LRRIQ3: variants seen among roughly 807,000 people sequenced by gnomAD.
LRRIQ3 encodes the protein leucine-rich repeat and IQ domain-containing protein 3.
In LRRIQ3, 75 loss-of-function variants were observed where a neutral mutation model predicts 59.3. The observed-to-expected ratio is 1.26, with a 90% CI of 1.05 to 1.53. The LOEUF (loss-of-function observed/expected upper bound fraction) is 1.53, where lower values mean the gene tolerates loss of function less well. Among genes scored for constraint, LRRIQ3 ranks in the 40% most tolerant of loss-of-function variants. The probability of loss-of-function intolerance (pLI) is 0.00; values close to 1 mark genes in which losing one functional copy is unlikely to be tolerated. For synonymous variants in LRRIQ3, 250 were observed against 231.3 expected, an observed-to-expected ratio of 1.08 and a Z score of -0.73; for missense variants, 831 against 710.0, an observed-to-expected ratio of 1.17 and a Z score of -1.94.
intron 5 of LRRIQ3, among the ~76,000 whole-genome samples, chr1:74,097,536 A>T (rs1455586964): frequency 6.6e-6 from 1 of 152,192 alleles, no homozygotes. Context: ...CAACATTCAA[A>T]TTCAGGAAAT....
chr1:74,191,695 C>G (rs1650777018), intron 1 of LRRIQ3, among the ~76,000 whole-genome samples: 1 of 152,008 alleles, frequency 6.6e-6, no homozygotes, highest in South Asian at 2.1e-4. Context: ...CTAAGTAACA[C>G]ATAGGTCAAT....
At chr1:74,090,326 G>GTTT (rs35791047) in intron 5 of LRRIQ3, among the ~76,000 whole-genome samples, 1 of 149,984 alleles carries the variant, frequency 6.7e-6, no homozygotes. Context: ...CTACAAAATA[G>GTTT]TTTTTTTTTT....
intron 1 of LRRIQ3, among the ~76,000 whole-genome samples, chr1:74,187,599 G>A (rs901367543): frequency 1.3e-5 from 2 of 151,896 alleles, no homozygotes; most frequent in Non-Finnish European, 2.9e-5. Flanking sequence ...AGGTTGGGAG[G>A]GTCACGAGGT....
intron 4 of LRRIQ3, among the ~76,000 whole-genome samples, chr1:74,124,720 G>A (rs772713873): frequency 2.3e-4 from 35 of 151,852 alleles, no homozygotes; most frequent in Middle Eastern, 3.4e-3. Context: ...TGTTCTATAT[G>A]TCTGTTTTTA....
At chr1:74,149,434 A>C (rs1647784026) in intron 4 of LRRIQ3, among the ~76,000 whole-genome samples, 1 of 152,234 alleles carries the variant, frequency 6.6e-6, no homozygotes, top group South Asian at 2.1e-4. Context: ...TTTTCATATC[A>C]CATAAAAAAT....
chr1:74,068,455 C>T (rs1654927798), intron 6 of LRRIQ3, among the ~76,000 whole-genome samples: 2 of 151,728 alleles, frequency 1.3e-5, no homozygotes, highest in Admixed American at 1.3e-4. Flanking sequence ...AGAGACTGAT[C>T]ACATAATTTT....
At position 74,198,134 on chromosome 1, in the gene LRRIQ3, AT is replaced by A. The variant is rs1238537239; in HGVS notation, c.-140del. 11 of 1,465,196 alleles carry A rather than the reference AT, an allele frequency of 7.5e-6. No individual in the cohort carries two copies. The highest frequency in any genetic ancestry group is 9.9e-6 in the Non-Finnish European group (11 of 1,106,752). The allele number at this position is 1,465,196 out of a possible 1,614,324, so 90.8% of individuals were successfully genotyped here. On this transcript the variant is annotated 5_prime_UTR_variant, in exon 1 of 8. An upstream start codon of the reference 5' UTR is lost. Transcript: ENST00000354431. Reference sequence around the variant, plus strand: ...AGACAACATCCAAGTTCTCCACATCATGGTTTTCCGGGCGCCAGCCAAGGCG... The same window carrying A: ...AGACAACATCCAAGTTCTCCACATCAGGTTTTCCGGGCGCCAGCCAAGGCG...
At chr1:74,036,358 C>G (rs1653872796) in intron 7 of LRRIQ3, among the ~76,000 whole-genome samples, 1 of 152,144 alleles carries the variant, frequency 6.6e-6, no homozygotes, top group African/African-American at 2.4e-5. Context: ...CCCCTCATCC[C>G]CAGTTTATTA....
chr1:74,134,677 A>T (rs1647090134), intron 4 of LRRIQ3, among the ~76,000 whole-genome samples: 2 of 151,968 alleles, frequency 1.3e-5, no homozygotes, highest in African/African-American at 4.8e-5. Flanking sequence ...AAATAAAGGT[A>T]CTATTAATTT....
In LRRIQ3 at chr1:74,041,194, A is replaced by G. The variant is rs778731064; in HGVS notation, c.1718+19T>C. 5 of 1,504,374 alleles carry G rather than the reference A, an allele frequency of 3.3e-6. No homozygotes were observed. Among genetic ancestry groups the G allele is most frequent in the African/African-American group, 1.4e-5 (1 of 70,936 alleles). 93.2% of individuals were successfully genotyped at this position (1,504,374 alleles called of 1,614,324 possible). ...TGTAATTGACTTTAATGCCTCTGTT[A>G]TATCTAAATTGTACCTACCTAACTT... On this transcript the variant is annotated intron_variant, in intron 7 of 7. Coordinates refer to ENST00000354431, the MANE Select transcript of LRRIQ3 (RefSeq NM_001105659.2).
At chr1:74,083,900 T>C (rs1449692154) in intron 5 of LRRIQ3, 3 of 307,704 alleles carry the variant, frequency 9.7e-6, no homozygotes, top group Non-Finnish European at 1.8e-5. Flanking sequence ...GCAATTTTTA[T>C]GATGGTATGT....
chr1:74,191,501 C>G (rs552892192), intron 1 of LRRIQ3, among the ~76,000 whole-genome samples: 3 of 151,992 alleles, frequency 2.0e-5, no homozygotes, highest in Admixed American at 1.3e-4. Context: ...TTTTCAAGCT[C>G]ACATGGAGCA....
At chr1:74,051,131 A>C (rs1654358442) in intron 6 of LRRIQ3, among the ~76,000 whole-genome samples, 1 of 152,166 alleles carries the variant, frequency 6.6e-6, no homozygotes, top group Admixed American at 6.6e-5. Flanking sequence ...CATTCTGTAA[A>C]GAAGTGCTAT....
intron 6 of LRRIQ3, among the ~76,000 whole-genome samples, chr1:74,061,358 T>C (rs1350204158): frequency 6.6e-6 from 1 of 152,174 alleles, no homozygotes; most frequent in Non-Finnish European, 1.5e-5. Flanking sequence ...ATTGTTAAAA[T>C]GGTCATATTG....
intron 3 of LRRIQ3, among the ~76,000 whole-genome samples, chr1:74,179,098 A>G (rs1204771740): frequency 6.6e-6 from 1 of 152,106 alleles, no homozygotes; most frequent in East Asian, 1.9e-4. Context: ...AAAACGCAAT[A>G]CTGGCTGATA....
intron 4 of LRRIQ3, among the ~76,000 whole-genome samples, chr1:74,114,875 CAT>C (rs1235175121): frequency 6.6e-6 from 1 of 151,652 alleles, no homozygotes; most frequent in Non-Finnish European, 1.5e-5. Flanking sequence ...AGATATAAGA[CAT>C]ATCTGTGAAT....
intron 7 of LRRIQ3, among the ~76,000 whole-genome samples, chr1:74,038,592 G>T (rs1429547356): frequency 1.3e-5 from 2 of 152,128 alleles, no homozygotes; most frequent in African/African-American, 2.4e-5. Context: ...CGAGGTCAGA[G>T]ATCCCAAAAG....
intron 6 of LRRIQ3, among the ~76,000 whole-genome samples, chr1:74,073,544 A>AC (rs59310161): frequency 6.6e-6 from 1 of 151,860 alleles, no homozygotes; most frequent in African/African-American, 2.4e-5. Flanking sequence ...AAACAAACAA[A>AC]ATAAAAAGAC....
chr1:74,079,199 G>A (rs1646244330), intron 5 of LRRIQ3, among the ~76,000 whole-genome samples: 1 of 151,558 alleles, frequency 6.6e-6, no homozygotes, highest in South Asian at 2.1e-4. Context: ...AAGATGCTAA[G>A]TCCTTTCTAC....
Sources: allele counts gnomAD v4.1 joint callset (sites outside exome capture counted in the v4.1 genomes callset), GRCh38; gene constraint gnomAD v4.1.1; transcripts MANE v1.5; gene names NCBI Gene and HGNC (gene_info 2026-07-23, HGNC 2026-07-21).